The following ASAP1 variants were observed in gnomAD, a reference collection of about 807,000 sequenced individuals.
The protein encoded by ASAP1 is arf-GAP with SH3 domain, ANK repeat and PH domain-containing protein 1.
In ASAP1, 43 loss-of-function variants were observed where a neutral mutation model predicts 145.2. The ratio of observed to expected loss-of-function variants is 0.30; its 90% confidence interval spans 0.23 to 0.38. The LOEUF is 0.38. Among genes scored for constraint, ASAP1 ranks in the 10% least tolerant of loss-of-function variants. ASAP1 has a pLI of 1.00. For synonymous variants in ASAP1, 546 were observed against 515.5 expected, an observed-to-expected ratio of 1.06 and a Z score of -0.80; for missense variants, 1,018 against 1,355.3, an observed-to-expected ratio of 0.75 and a Z score of 3.91.
rs556346296 is a variant in ASAP1, at chr8:130,134,931, A to T, written c.1169-587T>A. Among the ~76,000 whole-genome samples, 13 of 152,228 alleles carry T rather than the reference A, an allele frequency of 8.5e-5. No individual in the cohort carries two copies. In the South Asian group the frequency reaches 2.7e-3, roughly 32 times the overall value. ...GGGTAGCCCCAACACCCCCAACACT[A>T]GACATACTATGCCCCAGATGTTGGG... On this transcript the variant is annotated intron_variant, in intron 14 of 29. Transcript: ENST00000518721.
chr8:130,074,489 A>G (rs2097457737), intron 27 of ASAP1, among the ~76,000 whole-genome samples: 1 of 150,192 alleles, frequency 6.7e-6, no homozygotes, highest in Admixed American at 6.6e-5. Context: ...ACACACACAG[A>G]GAGAACGAGA....
chr8:130,260,004 A>C (rs1385762649), intron 3 of ASAP1, among the ~76,000 whole-genome samples: 1 of 152,232 alleles, frequency 6.6e-6, no homozygotes, highest in East Asian at 1.9e-4. Context: ...ATGGATAAAG[A>C]ATATGTTAAC....
At position 130,209,220 on chromosome 8, in the gene ASAP1, A is replaced by C. The variant is rs77152054; in HGVS notation, c.405+5336T>G. ...TACACAACCAATAAAGTATGCAGAA[A>C]AAGTACTTTCCCCATTCTACTAGTG... On this transcript the variant is annotated intron_variant, in intron 5 of 29. Coordinates refer to ENST00000518721, the MANE Select transcript of ASAP1 (RefSeq NM_018482.4). Among the ~76,000 whole-genome samples, 239 of 152,340 alleles carry C rather than the reference A, an allele frequency of 1.6e-3. 1 individual carries two copies. Among genetic ancestry groups the C allele is most frequent in the African/African-American group, 5.5e-3 (230 of 41,570 alleles).
At chr8:130,257,623 C>T (rs577243178) in intron 3 of ASAP1, among the ~76,000 whole-genome samples, 4 of 151,846 alleles carry the variant, frequency 2.6e-5, no homozygotes, top group South Asian at 4.2e-4. Context: ...AATGCTGTTG[C>T]GAAAAAAAGG....
At chr8:130,343,916 C>T (rs1403060165) in intron 3 of ASAP1, among the ~76,000 whole-genome samples, 1 of 152,160 alleles carries the variant, frequency 6.6e-6, no homozygotes, top group Non-Finnish European at 1.5e-5. Context: ...GAGCAAAATA[C>T]TTGAAGTGAC....
intron 2 of ASAP1, among the ~76,000 whole-genome samples, chr8:130,382,194 G>A (rs948316499): frequency 3.5e-4 from 53 of 150,362 alleles, no homozygotes; most frequent in African/African-American, 1.3e-3. Flanking sequence ...GCTGAGGCAG[G>A]AGAATGGTGT....
chr8:130,100,573 C>CG (rs2097527035), intron 24 of ASAP1, among the ~76,000 whole-genome samples: 1 of 152,138 alleles, frequency 6.6e-6, no homozygotes, highest in Non-Finnish European at 1.5e-5. Flanking sequence ...AGGCAATCTA[C>CG]CCACCTCGGC....
intron 3 of ASAP1, among the ~76,000 whole-genome samples, chr8:130,326,960 C>A (rs1011481799): frequency 2.6e-5 from 4 of 152,152 alleles, no homozygotes; most frequent in Non-Finnish European, 5.9e-5. Context: ...TCCTTCCCCT[C>A]CCCAGGTCAG....
intron 3 of ASAP1, among the ~76,000 whole-genome samples, chr8:130,318,870 C>T (rs1270004198): frequency 2.6e-5 from 4 of 152,170 alleles, no homozygotes; most frequent in African/African-American, 9.7e-5. Context: ...CAGGACAAAG[C>T]AATGGGGCCT....
intron 3 of ASAP1, among the ~76,000 whole-genome samples, chr8:130,276,722 A>ACTCTCTCTCTCTCTCTCTCT (rs1820912328): frequency 9.0e-6 from 1 of 110,626 alleles, no homozygotes; most frequent in African/African-American, 3.2e-5. Flanking sequence ...ACACACACAC[A>ACTCTCTCTCTCTCTCTCTCT]CACACACTCT....
rs1565149053 is a variant in ASAP1, at chr8:130,262,452, GA to G, written c.187-25459del. Among the ~76,000 whole-genome samples the G allele has an allele frequency of 1.4e-3, 140 of 96,958 alleles. 4 individuals carry two copies. The highest frequency in any genetic ancestry group is 6.6e-3 in the Middle Eastern group (1 of 152). The allele number at this position is 96,958 out of a possible 152,430, so 63.6% of individuals were successfully genotyped here. The stretch of plus-strand genomic sequence containing the variant: ...AGAGAGAGAGAGAGAGAGAGAGAGA[GA>G]GAGAACCTGTGGAATTTCAGATAGG... On this transcript the variant is annotated intron_variant, in intron 3 of 29. Transcript: ENST00000518721.
At chr8:130,152,928 C>T (rs2097649648) in intron 12 of ASAP1, 123 bp from the exon 13 acceptor site, 1 of 673,956 alleles carries the variant, frequency 1.5e-6, no homozygotes, top group Admixed American at 3.4e-5. Context: ...ATCCAACCCC[C>T]CCAAAAAAAT....
chr8:130,351,328 A>C (rs1229284098), intron 3 of ASAP1, among the ~76,000 whole-genome samples: 1 of 152,232 alleles, frequency 6.6e-6, no homozygotes, highest in Admixed American at 6.5e-5. Flanking sequence ...CAAGTTATTT[A>C]ATGTCTGTGA....
At chr8:130,259,242 T>C (rs1819749834) in intron 3 of ASAP1, among the ~76,000 whole-genome samples, 1 of 152,180 alleles carries the variant, frequency 6.6e-6, no homozygotes, top group Non-Finnish European at 1.5e-5. Context: ...CCCTTGGGAT[T>C]TTCCCCAAAA....
intron 3 of ASAP1, among the ~76,000 whole-genome samples, chr8:130,257,640 C>T (rs2670876): frequency 0.84 from 128,385 of 152,182 alleles, 54,396 homozygotes; most frequent in East Asian, 0.96. Flanking sequence ...AAGGGATCTA[C>T]AGTCGGTAAA....
At chr8:130,185,239 CT>C in intron 7 of ASAP1, among the ~76,000 whole-genome samples, 1 of 152,272 alleles carries the variant, frequency 6.6e-6, no homozygotes, top group Non-Finnish European at 1.5e-5. Flanking sequence ...CAAAACCTGC[CT>C]TCATAAGGTC....
At chr8:130,355,564 C>T (rs369511687) in intron 3 of ASAP1, among the ~76,000 whole-genome samples, 18 of 152,130 alleles carry the variant, frequency 1.2e-4, no homozygotes, top group African/African-American at 3.9e-4. Flanking sequence ...TTAAAGTTTC[C>T]AAATATCTCA....
At chr8:130,186,680 T>C (rs1353296533) in intron 7 of ASAP1, among the ~76,000 whole-genome samples, 2 of 152,196 alleles carry the variant, frequency 1.3e-5, no homozygotes, top group East Asian at 3.8e-4. Flanking sequence ...CTGGAGTGAA[T>C]GCTAGCTGGA....
intron 13 of ASAP1, among the ~76,000 whole-genome samples, chr8:130,143,822 G>T (rs1422681698): frequency 1.3e-5 from 2 of 152,190 alleles, no homozygotes; most frequent in Non-Finnish European, 2.9e-5. Context: ...GAAGTGTAAA[G>T]TTGTTAGCAC....
Sources: allele counts gnomAD v4.1 joint callset (sites outside exome capture counted in the v4.1 genomes callset), GRCh38; gene constraint gnomAD v4.1.1; transcripts MANE v1.5; gene names NCBI Gene and HGNC (gene_info 2026-07-23, HGNC 2026-07-21).